The following RTN4 variants were observed in gnomAD, a reference collection of about 807,000 sequenced individuals.
The protein encoded by RTN4 is reticulon 4.
A neutral mutation model predicts 90.4 loss-of-function variants in RTN4; 32 were observed. That is an observed-to-expected ratio of 0.35 (90% CI 0.27 to 0.48). RTN4 has a LOEUF of 0.48. RTN4 is among the 20% of genes least tolerant of loss of function. The probability of loss-of-function intolerance (pLI) is 0.99; values close to 1 mark genes in which losing one functional copy is unlikely to be tolerated. For missense variants in RTN4, 1,706 were observed against 1,430.2 expected (o/e 1.19, Z -3.11); for synonymous variants, 629 against 552.5 (o/e 1.14, Z -1.94).
intron 3 of RTN4, among the ~76,000 whole-genome samples, chr2:55,002,826 T>C (rs2104754673): frequency 6.6e-6 from 1 of 152,328 alleles, no homozygotes; most frequent in South Asian, 2.1e-4. Flanking sequence ...ACTTCTCCTA[T>C]GACAAGTCTG....
At chr2:55,029,859 C>T (rs1046602386) in intron 1 of RTN4, among the ~76,000 whole-genome samples, 30 of 152,168 alleles carry the variant, frequency 2.0e-4, no homozygotes, top group African/African-American at 7.2e-4. Context: ...TATATGTGTA[C>T]ACATATTTAA....
chr2:54,977,227 C>A (rs903344803), intron 5 of RTN4, among the ~76,000 whole-genome samples: 2 of 152,200 alleles, frequency 1.3e-5, no homozygotes, highest in African/African-American at 4.8e-5. Context: ...CCTTCAGATT[C>A]ATTCATTAGT....
chr2:55,065,610 A>G (rs1025193237), intron 2 of RTN4, among the ~76,000 whole-genome samples: 2 of 152,204 alleles, frequency 1.3e-5, no homozygotes, highest in Non-Finnish European at 2.9e-5. Flanking sequence ...ACCACTACAC[A>G]CGCTAATATA....
chr2:55,060,633 T>C (rs1201265745), intron 2 of RTN4: 1 of 152,228 alleles, frequency 6.6e-6, no homozygotes, highest in African/African-American at 2.4e-5. Context: ...TGCTAAAGAC[T>C]TCTTGGGCTG....
At chr2:55,003,702 T>G (rs1680006015) in intron 3 of RTN4, among the ~76,000 whole-genome samples, 1 of 152,126 alleles carries the variant, frequency 6.6e-6, no homozygotes, top group Non-Finnish European at 1.5e-5. Flanking sequence ...GATGGAAAAA[T>G]GTAGCTAGAC....
chr2:55,043,570 T>C (rs776242179), intron 1 of RTN4, among the ~76,000 whole-genome samples: 3 of 151,958 alleles, frequency 2.0e-5, no homozygotes, highest in Admixed American at 1.3e-4. Flanking sequence ...CTGGCCAACA[T>C]AGTAAGACCC....
At chr2:55,018,119 C>T (rs1021220342) in intron 3 of RTN4, among the ~76,000 whole-genome samples, 6 of 152,156 alleles carry the variant, frequency 3.9e-5, no homozygotes, top group Non-Finnish European at 7.3e-5. Context: ...AGTTACTTAA[C>T]ATCCTTAGGC....
upstream of RTN4, among the ~76,000 whole-genome samples, chr2:55,055,201 T>C (rs1668167087): frequency 6.6e-6 from 1 of 151,618 alleles, no homozygotes; most frequent in African/African-American, 2.4e-5. Context: ...AGCAAAAAAA[T>C]TATTTCAGAT....
chr2:55,040,395 C>T (rs1682990659), intron 1 of RTN4, among the ~76,000 whole-genome samples: 1 of 151,942 alleles, frequency 6.6e-6, no homozygotes, highest in African/African-American at 2.4e-5. Flanking sequence ...AGTAAATTCC[C>T]TTATTTTCTG....
intron 1 of RTN4, among the ~76,000 whole-genome samples, chr2:55,028,658 T>A (rs1171809561): frequency 9.2e-5 from 14 of 152,218 alleles, no homozygotes; most frequent in African/African-American, 2.7e-4. Context: ...TTGGCATATA[T>A]TCAATTTAAA....
chr2:55,029,024 G>T (rs1004570545), intron 1 of RTN4, among the ~76,000 whole-genome samples: 2 of 152,136 alleles, frequency 1.3e-5, no homozygotes, highest in African/African-American at 4.8e-5. Flanking sequence ...TGAAGATGGG[G>T]ACTTTGGGAG....
the RTN4 span, among the ~76,000 whole-genome samples, chr2:55,135,577 T>G: frequency 2.6e-5 from 4 of 152,366 alleles, no homozygotes; most frequent in Non-Finnish European, 5.9e-5. Context: ...CTGCTTCTTT[T>G]TTTACACTTT....
rs557815074 is a variant in RTN4 at position 55,092,295 on chromosome 2, G to A, written c.-213-11656C>T. On this transcript the variant is annotated intron_variant, in intron 1 of 3. Coordinates refer to the RTN4 transcript ENST00000427710. ...TTGTTGCCCAGGCTGGAGTGTAATG[G>A]CATGATCTCAGCTCACCGTAACCTC... 1.8e-4 allele frequency among the ~76,000 whole-genome samples: 27 copies of A among 151,198 alleles called. No individual in the cohort carries two copies. The South Asian group carries it at 5.7e-3, about 32-fold the overall frequency.
At chr2:55,111,393 T>C (rs1573524437) in intron 1 of RTN4, among the ~76,000 whole-genome samples, 1 of 152,234 alleles carries the variant, frequency 6.6e-6, no homozygotes, top group Non-Finnish European at 1.5e-5. Flanking sequence ...ATAGCAACTG[T>C]GGAAAGCAGA....
intron 3 of RTN4, among the ~76,000 whole-genome samples, chr2:55,009,767 T>C (rs1323879704): frequency 6.6e-6 from 1 of 152,194 alleles, no homozygotes; most frequent in African/African-American, 2.4e-5. Flanking sequence ...AAAACAGCAA[T>C]GTGTATTTAC....
At chr2:54,981,446 A>C (rs1038653786) in intron 5 of RTN4, among the ~76,000 whole-genome samples, 11 of 152,214 alleles carry the variant, frequency 7.2e-5, no homozygotes, top group Non-Finnish European at 1.6e-4. Flanking sequence ...AAAATGAAAA[A>C]TTATGAGAAT....
chr2:55,103,856 G>A (rs577811176), intron 1 of RTN4, among the ~76,000 whole-genome samples: 4 of 151,760 alleles, frequency 2.6e-5, no homozygotes, highest in East Asian at 1.9e-4. Context: ...CACCACACCC[G>A]CCTAATTTTT....
intron 1 of RTN4, 39 bp downstream of exon 1, chr2:55,049,706 C>T: frequency 7.1e-7 from 1 of 1,415,594 alleles, no homozygotes; most frequent in South Asian, 1.5e-5. Flanking sequence ...GAGGGAGGGG[C>T]GCGAGGGGCG....
intron 5 of RTN4, among the ~76,000 whole-genome samples, chr2:54,978,525 A>G (rs1677855261): frequency 6.6e-6 from 1 of 151,864 alleles, no homozygotes; most frequent in Non-Finnish European, 1.5e-5. Context: ...CAGATTTTGC[A>G]TTTATGAAGA....
Sources: allele counts gnomAD v4.1 joint callset (sites outside exome capture counted in the v4.1 genomes callset), GRCh38; gene constraint gnomAD v4.1.1; transcripts MANE v1.5; gene names NCBI Gene and HGNC (gene_info 2026-07-23, HGNC 2026-07-21).